Variants in DCLK3 observed in about 807,000 individuals in gnomAD.
DCLK3 encodes the protein serine/threonine-protein kinase DCLK3.
DCLK3 carries 30 observed loss-of-function variants against 46.4 expected under a neutral mutation model. That is an observed-to-expected ratio of 0.65 (90% CI 0.48 to 0.88). DCLK3 has a LOEUF of 0.88. Among genes scored for constraint, DCLK3 ranks in the 40% least tolerant of loss-of-function variants. The pLI is 0.00. For missense variants in DCLK3, 846 were observed against 907.1 expected, an observed-to-expected ratio of 0.93 and a Z score of 0.87; for synonymous variants, 401 against 339.2, an observed-to-expected ratio of 1.18 and a Z score of -2.00.
chr3:36,724,398 GT>G (rs1217531797), intron 2 of DCLK3, among the ~76,000 whole-genome samples: 2 of 152,192 alleles, frequency 1.3e-5, no homozygotes, highest in African/African-American at 2.4e-5. Flanking sequence ...GACATGATTG[GT>G]TTTGAAATGT....
At chr3:36,736,252 G>C (rs903409995) in intron 2 of DCLK3, among the ~76,000 whole-genome samples, 2 of 152,196 alleles carry the variant, frequency 1.3e-5, no homozygotes, top group Non-Finnish European at 2.9e-5. Flanking sequence ...GATAGTGTCA[G>C]CACGTGGGGG....
In DCLK3 at chr3:36,738,365, TC is replaced by T; in HGVS notation, c.801del (p.Lys268AsnfsTer80). The T allele has an allele frequency of 6.7e-7, 1 of 1,495,722 alleles. No homozygotes were observed. 92.7% of individuals were successfully genotyped at this position (1,495,722 alleles called of 1,614,324 possible). On this transcript the variant is annotated frameshift_variant, in exon 2 of 5. Coordinates refer to ENST00000636136, the MANE Select transcript of DCLK3 (RefSeq NM_001394672.2). LOFTEE classifies it high-confidence loss of function. ...RARTQKKWGR[G>X]KWEPEPSSKP... ...TTGCTACTGGGTTCTGGCTCCCATTTCCCCCTCCCCCACTTCTTCTGGGTCC... is the reference window on the plus strand; with the variant it reads ...TTGCTACTGGGTTCTGGCTCCCATTTCCCCTCCCCCACTTCTTCTGGGTCC...
intron 2 of DCLK3, among the ~76,000 whole-genome samples, chr3:36,726,472 C>A (rs1367738220): frequency 6.6e-6 from 1 of 152,064 alleles, no homozygotes; most frequent in Non-Finnish European, 1.5e-5. Context: ...GGAACTGGGG[C>A]AAAGGCTCTC....
At chr3:36,759,848 C>T (rs1254353578) in intron 1 of DCLK3, among the ~76,000 whole-genome samples, 4 of 152,204 alleles carry the variant, frequency 2.6e-5, no homozygotes, top group African/African-American at 9.7e-5. Flanking sequence ...AACTCTCTTA[C>T]CTGCCTCTCC....
intron 1 of DCLK3, among the ~76,000 whole-genome samples, chr3:36,756,255 G>A (rs1380778652): frequency 2.0e-5 from 3 of 152,228 alleles, no homozygotes; most frequent in African/African-American, 7.2e-5. Flanking sequence ...TTCCAGAGGG[G>A]CAAGGAAACT....
chr3:36,721,553 A>T lies in DCLK3; in HGVS notation c.2066T>A (p.Val689Glu). Reference protein sequence around the residue: ...IFTVCGTPTYVAPEILSEKGY... With the variant: ...IFTVCGTPTYEAPEILSEKGY... ...TTTCTCAGAAAGAATTTCGGGAGCT[A>T]CGTAAGTTGGGGTCCCACACACAGT... is the stretch of plus-strand genomic sequence containing the variant. Residue 689 changes from valine (V) to glutamate (E), a missense_variant, in exon 3 of 5, where the codon GTA becomes GAA. Around this residue, in one of 3 missense-constraint regions of DCLK3, gnomAD observed 247 missense variants for 322.8 expected, o/e 0.77. Coordinates refer to ENST00000636136, the MANE Select transcript of DCLK3 (RefSeq NM_001394672.2). 6.2e-7 allele frequency: 1 copy of T among 1,614,188 alleles called. No homozygotes were observed. The highest frequency in any genetic ancestry group is 1.7e-5 in the Admixed American group (1 of 60,026).
chr3:36,763,070 CCACTGTAAG>C (rs926273663), intron 1 of DCLK3, among the ~76,000 whole-genome samples: 5 of 151,716 alleles, frequency 3.3e-5, no homozygotes, highest in Admixed American at 3.3e-4. Context: ...CAACAGATCT[CCACTGTAAG>C]CAGTTACACA....
chr3:36,742,708 C>T (rs182880340), intron 1 of DCLK3, among the ~76,000 whole-genome samples: 2 of 152,214 alleles, frequency 1.3e-5, no homozygotes, highest in African/African-American at 2.4e-5. Context: ...TCCACAAGAC[C>T]TCTTTCCTCT....
rs777295349 is a variant in DCLK3, at chr3:36,738,502, C to T, written c.665G>A (p.Arg222His). The change falls in exon 2 of 5, where the codon CGC becomes CAC. Residue 222 changes from arginine (R) to histidine (H), a missense_variant. Around this residue, in one of 3 missense-constraint regions of DCLK3, gnomAD observed 553 missense variants for 543.0 expected, o/e 1.02. Coordinates refer to ENST00000636136, the MANE Select transcript of DCLK3 (RefSeq NM_001394672.2). Reference protein sequence around the residue: ...LFSKALKGDHRCGETETPKSC... With the variant: ...LFSKALKGDHHCGETETPKSC... ...CTTGGGGGTCTCGGTCTCCCCACAG[C>T]GGTGGTCTCCTTTCAGAGCCTTGCT... The T allele has an allele frequency of 3.0e-5, 46 of 1,509,462 alleles. No individual in the cohort carries two copies. Among genetic ancestry groups the T allele is most frequent in the Non-Finnish European group, 3.8e-5 (43 of 1,129,412 alleles). The allele number at this position is 1,509,462 out of a possible 1,614,324, so 93.5% of individuals were successfully genotyped here.
rs1388381072 is a variant in DCLK3, at chr3:36,714,845, T to C, written c.*483A>G. On this transcript the variant is annotated 3_prime_UTR_variant, in exon 5 of 5. Coordinates refer to ENST00000636136, the MANE Select transcript of DCLK3 (RefSeq NM_001394672.2). ...ATGTAGTCATATCAGCTTCAGGAGA[T>C]ATGCCTGAACTATAATTCATTTTTG... 2 of 132,844 alleles carry C rather than the reference T, an allele frequency of 1.5e-5. No individual in the cohort carries two copies. Among genetic ancestry groups the C allele is most frequent in the Admixed American group, 8.1e-5 (1 of 12,422 alleles). The allele number at this position is 132,844 out of a possible 1,614,324, so 8.2% of individuals were successfully genotyped here.
Position 36,738,541 on chromosome 3 carries a change from C to T in DCLK3, c.626G>A (p.Arg209Lys). 2 of 1,507,974 alleles carry T rather than the reference C, an allele frequency of 1.3e-6. No homozygotes were observed. The highest frequency in any genetic ancestry group is 1.4e-5 in the South Asian group (1 of 73,074). The allele number at this position is 1,507,974 out of a possible 1,614,324, so 93.4% of individuals were successfully genotyped here. Residue 209 changes from arginine (R) to lysine (K), a missense_variant, in exon 2 of 5, where the codon AGG (arginine) becomes AAG (lysine). By Grantham distance (26) the Arg-to-Lys change is conservative (BLOSUM62 2). Coordinates refer to ENST00000636136, the MANE Select transcript of DCLK3 (RefSeq NM_001394672.2). ...CAGAGCCTTGCTAAACAGCCTGCTC[C>T]TCAGCCTTGGAGAAGGGGCACGGCT... ...QHSRAPSPRL[R>K]SRLFSKALKG...
At position 36,738,580 on chromosome 3, in the gene DCLK3, G is replaced by T; in HGVS notation, c.587C>A (p.Thr196Lys). The T allele has an allele frequency of 7.0e-7, 1 of 1,422,202 alleles. No homozygotes were observed. The highest frequency in any genetic ancestry group is 1.8e-5 in the South Asian group (1 of 55,432). 88.1% of individuals were successfully genotyped at this position (1,422,202 alleles called of 1,614,324 possible). ...AGGGGCACGGCTGTGCTGGGCCAGT[G>T]TCAGGGCCCGGGCTTTGTTGGGGTA... ...ELYPNKARAL[T>K]LAQHSRAPSP... Residue 196 changes from threonine (T) to lysine (K), a missense_variant, in exon 2 of 5, where the codon ACA becomes AAA. This residue lies in a region of DCLK3 where 553 missense variants were observed against 543.0 expected (regional missense o/e 1.02). Coordinates refer to ENST00000636136, the MANE Select transcript of DCLK3 (RefSeq NM_001394672.2).
chr3:36,734,475 T>A (rs964806063), intron 2 of DCLK3, among the ~76,000 whole-genome samples: 2 of 152,182 alleles, frequency 1.3e-5, no homozygotes, highest in Non-Finnish European at 2.9e-5. Flanking sequence ...TTTCTACAGT[T>A]TCTGAAGAAG....
At chr3:36,740,122 C>CTTTTTTTTTTTTTTTTTT (rs1179146362) in intron 1 of DCLK3, among the ~76,000 whole-genome samples, 1 of 99,710 alleles carries the variant, frequency 1.0e-5, no homozygotes. Context: ...ATTTGCATTT[C>CTTTTTTTTTTTTTTTTTT]TTTTTTTTTT....
At position 36,746,286 on chromosome 3, in the gene DCLK3, C is replaced by T. The variant is rs980986191; in HGVS notation, c.83-7202G>A. Among the ~76,000 whole-genome samples, 5 of 152,206 alleles carry T rather than the reference C, an allele frequency of 3.3e-5. No individual in the cohort carries two copies. The South Asian group carries it at 8.3e-4, about 25-fold the overall frequency. ...TTGGCCAGGCCTTGTTCTAACCCAC[C>T]TAACAGATGCCTGATACTTTTTTCT... On this transcript the variant is annotated intron_variant, in intron 1 of 4. Transcript: ENST00000636136.
At chr3:36,742,881 G>C (rs1040381589) in intron 1 of DCLK3, among the ~76,000 whole-genome samples, 1 of 152,138 alleles carries the variant, frequency 6.6e-6, no homozygotes, top group African/African-American at 2.4e-5. Context: ...TCATGCCCCA[G>C]GACAACTGCA....
At chr3:36,729,998 G>A (rs557510024) in intron 2 of DCLK3, among the ~76,000 whole-genome samples, 6 of 152,198 alleles carry the variant, frequency 3.9e-5, no homozygotes, top group South Asian at 2.1e-4. Context: ...ACAACATGGC[G>A]AAACCTCATC....
intron 2 of DCLK3, among the ~76,000 whole-genome samples, chr3:36,722,875 A>C (rs1701079017): frequency 6.6e-6 from 1 of 152,200 alleles, no homozygotes; most frequent in African/African-American, 2.4e-5. Context: ...GGACTAATAC[A>C]GTAAACTGGT....
chr3:36,738,072 T>C lies in DCLK3; in HGVS notation c.1095A>G (p.Glu365=). The change falls in exon 2 of 5, where the codon GAA becomes GAG. Residue 365 remains glutamate, a synonymous_variant. Coordinates refer to ENST00000636136, the MANE Select transcript of DCLK3 (RefSeq NM_001394672.2). ...SPEANPASGE[E]GWKGDSHRSS... ...TCCTGTGGCTGTCACCCTTCCACCC[T>C]TCCTCCCCACTTGCAGGATTTGCCT... The C allele has an allele frequency of 6.2e-7, 1 of 1,613,680 alleles. No individual in the cohort carries two copies. The highest frequency in any genetic ancestry group is 8.5e-7 in the Non-Finnish European group (1 of 1,179,836).
Sources: gnomAD v4.1 joint callset for allele counts (sites outside exome capture counted in the v4.1 genomes callset) on GRCh38, gnomAD v4.1.1 for gene constraint, gnomAD v4.1.1 regional missense constraint, MANE v1.5 for transcripts, NCBI Gene and HGNC (gene_info 2026-07-23, HGNC 2026-07-21) for gene names.